The following LITAF variants were observed in gnomAD, a reference collection of about 807,000 sequenced individuals.
LITAF encodes the protein lipopolysaccharide induced TNF factor.
A neutral mutation model predicts 14.5 loss-of-function variants in LITAF; 9 were observed. The ratio of observed to expected loss-of-function variants is 0.62; its 90% CI spans 0.37 to 1.08. LITAF has a LOEUF of 1.08. Ranked by LOEUF, LITAF falls within the 50% of genes least tolerant of loss-of-function variation. The pLI is 0.01. For missense variants in LITAF, 206 were observed against 213.4 expected (o/e 0.97, Z 0.22); for synonymous variants, 98 against 88.2 (o/e 1.11, Z -0.62).
At chr16:11,579,202 C>T (rs12447714) in intron 1 of LITAF, among the ~76,000 whole-genome samples, 24,560 of 151,402 alleles carry the variant, frequency 0.16, 2,072 homozygotes, top group South Asian at 0.23. Context: ...AAAAATAAAA[C>T]ACAGTTTGGG....
At chr16:11,616,737 C>A (rs921365241) in intron 3 of LITAF, among the ~76,000 whole-genome samples, 2 of 151,668 alleles carry the variant, frequency 1.3e-5, no homozygotes, top group African/African-American at 4.8e-5. Context: ...ATAGGAAGAC[C>A]CCATCTCTAC....
chr16:11,581,176 A>G (rs1056562448), intron 1 of LITAF, among the ~76,000 whole-genome samples: 4 of 152,354 alleles, frequency 2.6e-5, no homozygotes, highest in African/African-American at 9.6e-5. Context: ...ATAAATTTGT[A>G]TGTATTTTCA....
At chr16:11,594,781 C>A (rs2064872103) in intron 1 of LITAF, among the ~76,000 whole-genome samples, 2 of 151,844 alleles carry the variant, frequency 1.3e-5, no homozygotes, top group South Asian at 4.1e-4. Flanking sequence ...GAGGCTGATG[C>A]AAGAGAATCA....
At chr16:11,582,690 C>T (rs7189692) in intron 1 of LITAF, among the ~76,000 whole-genome samples, 103,549 of 151,996 alleles carry the variant, frequency 0.68, 35,531 homozygotes, top group Non-Finnish European at 0.71. Context: ...TTGTCAGGTC[C>T]CCTAAGAAAA....
At chr16:11,621,763 C>T (rs546341322) in intron 3 of LITAF, among the ~76,000 whole-genome samples, 1 of 152,062 alleles carries the variant, frequency 6.6e-6, no homozygotes, top group Non-Finnish European at 1.5e-5. Flanking sequence ...TTCCCTGCCC[C>T]GACTCTCTTC....
chr16:11,596,788 G>C (rs1269544053), intron 1 of LITAF, among the ~76,000 whole-genome samples: 1 of 120,004 alleles, frequency 8.3e-6, no homozygotes, highest in Non-Finnish European at 1.8e-5. Flanking sequence ...GGGGACAGGG[G>C]AGAGGGGGAA....
chr16:11,558,084 G>A lies in LITAF; in HGVS notation c.-5-1349C>T, dbSNP rs568323011. ...GGAGAAATGGGAAATGAGGCTCCGG[G>A]GCAGCGAGCCACAACCACCACTCCC... On this transcript the variant is annotated intron_variant, in intron 1 of 3. Coordinates refer to ENST00000622633, the MANE Select transcript of LITAF (RefSeq NM_001136472.2). The surrounding 1 kb of genome is among the most constrained non-coding windows in gnomAD (Gnocchi z 4.1). Among the ~76,000 whole-genome samples the A allele has an allele frequency of 9.2e-5, 14 of 152,178 alleles. No homozygotes were observed. Among genetic ancestry groups the A allele is most frequent in the African/African-American group, 3.4e-4 (14 of 41,510 alleles).
intron 3 of LITAF, among the ~76,000 whole-genome samples, chr16:11,550,372 G>C (rs1320339455): frequency 6.6e-6 from 1 of 152,066 alleles, no homozygotes; most frequent in Non-Finnish European, 1.5e-5. Flanking sequence ...TTACAGGCGA[G>C]AGCCACCACA....
chr16:11,616,004 C>T (rs1297785542), intron 3 of LITAF, among the ~76,000 whole-genome samples: 1 of 152,132 alleles, frequency 6.6e-6, no homozygotes, highest in Admixed American at 6.6e-5. Flanking sequence ...GCCTACGTCA[C>T]GAAACCTTGA....
intron 1 of LITAF, among the ~76,000 whole-genome samples, chr16:11,565,117 C>A (rs1330753640): frequency 6.7e-6 from 1 of 149,190 alleles, no homozygotes; most frequent in Non-Finnish European, 1.5e-5. Flanking sequence ...GATTCTCGCT[C>A]CGTCGCTCAG....
At chr16:11,633,256 AG>A (rs1282766352) in intron 3 of LITAF, among the ~76,000 whole-genome samples, 3 of 152,218 alleles carry the variant, frequency 2.0e-5, no homozygotes, top group Non-Finnish European at 4.4e-5. Flanking sequence ...CAAGCCAGCC[AG>A]GGCTCCAATC....
At chr16:11,602,193 C>T (rs1020287427), upstream of LITAF, among the ~76,000 whole-genome samples, 2 of 152,022 alleles carry the variant, frequency 1.3e-5, no homozygotes, top group Non-Finnish European at 2.9e-5. Context: ...CCTGTCTCTA[C>T]CAAAAATACA....
intron 2 of LITAF, among the ~76,000 whole-genome samples, chr16:11,555,470 G>A (rs911200201): frequency 2.6e-5 from 4 of 152,066 alleles, no homozygotes; most frequent in East Asian, 1.9e-4. Flanking sequence ...AGATCAGCCT[G>A]GAAAAACAGT....
rs181146164 is a variant in LITAF at position 11,549,898 on chromosome 16, G to A, written c.378-153C>T. 8.6e-5 allele frequency: 58 copies of A among 675,686 alleles called. No individual in the cohort carries two copies. The highest frequency in any genetic ancestry group is 3.6e-4 in the South Asian group (24 of 66,646). 41.9% of individuals were successfully genotyped at this position (675,686 alleles called of 1,614,324 possible). ...TGGGATCATCTTGGATTATCCAGGCGGACCCCTAAAACCCAATGACCTTAG... is the reference window on the plus strand; with the variant it reads ...TGGGATCATCTTGGATTATCCAGGCAGACCCCTAAAACCCAATGACCTTAG... On this transcript the variant is annotated intron_variant, in intron 3 of 3. Transcript: ENST00000622633. This position sits in a 1 kb window ranked among gnomAD's most constrained non-coding sequence, Gnocchi z 4.6.
chr16:11,574,771 C>T (rs957574472), intron 1 of LITAF, among the ~76,000 whole-genome samples: 2 of 149,976 alleles, frequency 1.3e-5, no homozygotes, highest in African/African-American at 2.5e-5. Flanking sequence ...CCAAAATTTG[C>T]ACTAACAACA....
intron 1 of LITAF, among the ~76,000 whole-genome samples, chr16:11,574,555 T>A (rs950148978): frequency 2.6e-5 from 4 of 152,018 alleles, no homozygotes; most frequent in African/African-American, 9.7e-5. Context: ...AAAAAGAAAG[T>A]CTCCTCTGCA....
chr16:11,619,907 C>T (rs2065039981), intron 3 of LITAF, among the ~76,000 whole-genome samples: 1 of 152,070 alleles, frequency 6.6e-6, no homozygotes, highest in African/African-American at 2.4e-5. Context: ...GTGGCTCATG[C>T]CTGTAATCCC....
intron 3 of LITAF, among the ~76,000 whole-genome samples, chr16:11,627,196 C>G (rs533371736): frequency 6.6e-6 from 1 of 152,330 alleles, no homozygotes; most frequent in African/African-American, 2.4e-5. Context: ...GGGCATGTGA[C>G]CCAAGCCAAG....
At chr16:11,609,803 T>C (rs1035571609) in intron 3 of LITAF, among the ~76,000 whole-genome samples, 7 of 152,114 alleles carry the variant, frequency 4.6e-5, no homozygotes, top group Non-Finnish European at 8.8e-5. Flanking sequence ...GCCTCCAGAA[T>C]GTCTGCTGCA....
Sources: gnomAD v4.1 joint callset for allele counts (sites outside exome capture counted in the v4.1 genomes callset) on GRCh38, gnomAD v4.1.1 for gene constraint, Gnocchi (gnomAD v3.1) non-coding constraint, MANE v1.5 for transcripts, NCBI Gene and HGNC (gene_info 2026-07-23, HGNC 2026-07-21) for gene names.